The following SNTG1 variants were observed in gnomAD, a reference collection of about 807,000 sequenced individuals.
SNTG1 encodes gamma-1-syntrophin.
A neutral mutation model predicts 74.7 loss-of-function variants in SNTG1; 39 were observed. The observed-to-expected ratio is 0.52, with a 90% confidence interval of 0.40 to 0.68. SNTG1 has a LOEUF of 0.68. Ranked by LOEUF, SNTG1 falls within the 30% of genes least tolerant of loss-of-function variation. The pLI is 0.00. For missense variants in SNTG1, 685 were observed against 609.5 expected (o/e 1.12, Z -1.30); for synonymous variants, 254 against 217.1 (o/e 1.17, Z -1.49).
At chr8:50,109,231 A>T (rs745600376) in intron 1 of SNTG1, among the ~76,000 whole-genome samples, 3 of 152,354 alleles carry the variant, frequency 2.0e-5, no homozygotes, top group Admixed American at 1.3e-4. Flanking sequence ...ACCAAAAGAC[A>T]GGACAGCCTG....
chr8:50,013,226 G>C (rs1488571063), intron 1 of SNTG1, among the ~76,000 whole-genome samples: 2 of 152,056 alleles, frequency 1.3e-5, no homozygotes, highest in African/African-American at 2.4e-5. Context: ...TTCTTTGAGT[G>C]ACAGAGTGAT....
intron 2 of SNTG1, among the ~76,000 whole-genome samples, chr8:50,175,073 T>C (rs1311086680): frequency 6.6e-6 from 1 of 152,166 alleles, no homozygotes; most frequent in East Asian, 1.9e-4. Flanking sequence ...TAGTATTCCA[T>C]GGTGTATATT....
intron 1 of SNTG1, among the ~76,000 whole-genome samples, chr8:50,014,061 C>T (rs1199754121): frequency 6.6e-6 from 1 of 152,114 alleles, no homozygotes; most frequent in Non-Finnish European, 1.5e-5. Context: ...TACTAAACTA[C>T]AGTATGACAG....
At position 50,100,061 on chromosome 8, in the gene SNTG1, C is replaced by A. The variant is rs545575606; in HGVS notation, c.-102-72500C>A. Among the ~76,000 whole-genome samples, 6 of 152,028 alleles carry A rather than the reference C, an allele frequency of 3.9e-5. No individual in the cohort carries two copies. In the South Asian group the frequency reaches 1.2e-3, roughly 32 times the overall value. ...ACAATGCAAATGTGGTGTACATACA[C>A]ATTGGAATACTATTCAGCCACAGAA... On this transcript the variant is annotated intron_variant, in intron 1 of 18. Coordinates refer to ENST00000642720, the MANE Select transcript of SNTG1 (RefSeq NM_018967.5).
At chr8:50,339,764 A>G (rs2091264381) in intron 2 of SNTG1, among the ~76,000 whole-genome samples, 1 of 151,972 alleles carries the variant, frequency 6.6e-6, no homozygotes. Flanking sequence ...ACAAACGAAA[A>G]GCAAGTACAT....
chr8:50,563,132 C>T (rs562401005), intron 12 of SNTG1, among the ~76,000 whole-genome samples: 9 of 152,264 alleles, frequency 5.9e-5, no homozygotes, highest in East Asian at 5.8e-4. Flanking sequence ...CTGAGAAAGA[C>T]GGCAACTGAT....
Position 50,101,016 on chromosome 8 carries a change from A to G in SNTG1, c.-102-71545A>G, listed in dbSNP as rs111804313. On this transcript the variant is annotated intron_variant, in intron 1 of 18. Coordinates refer to ENST00000642720, the MANE Select transcript of SNTG1 (RefSeq NM_018967.5). ...TTCAATGTTTATCTCCAACTTATAA[A>G]CAAGAACATATGGTATTTGGTTTTC... Among the ~76,000 whole-genome samples, 12 of 152,142 alleles carry G rather than the reference A, an allele frequency of 7.9e-5. 1 individual carries two copies. Among genetic ancestry groups the G allele is most frequent in the African/African-American group, 2.6e-4 (11 of 41,534 alleles).
At chr8:50,444,718 C>T (rs1160166957) in intron 5 of SNTG1, among the ~76,000 whole-genome samples, 1 of 148,400 alleles carries the variant, frequency 6.7e-6, no homozygotes, top group African/African-American at 2.5e-5. Flanking sequence ...CCACTGCACT[C>T]CAGCCTGGGC....
At chr8:50,690,706 G>A (rs921713717) in intron 15 of SNTG1, among the ~76,000 whole-genome samples, 88 of 152,324 alleles carry the variant, frequency 5.8e-4, no homozygotes, top group Non-Finnish European at 8.7e-4. Context: ...GTGTGGTGCT[G>A]AAAAGAATGT....
At chr8:50,391,181 C>T (rs1177880492) in intron 2 of SNTG1, among the ~76,000 whole-genome samples, 1 of 152,130 alleles carries the variant, frequency 6.6e-6, no homozygotes, top group East Asian at 1.9e-4. Flanking sequence ...AGTTTTTGCC[C>T]ATTCAGTATG....
chr8:50,621,809 T>A (rs920162992), intron 13 of SNTG1, among the ~76,000 whole-genome samples: 5 of 152,240 alleles, frequency 3.3e-5, no homozygotes, highest in African/African-American at 1.2e-4. Flanking sequence ...AATATTTGAT[T>A]TTATTTTAGT....
chr8:50,114,683 G>A (rs2080742775), intron 1 of SNTG1, among the ~76,000 whole-genome samples: 1 of 152,096 alleles, frequency 6.6e-6, no homozygotes, highest in South Asian at 2.1e-4. Flanking sequence ...TGGCCAGCAT[G>A]GTGAAACCCC....
At chr8:50,545,083 T>G (rs1301695849) in intron 11 of SNTG1, among the ~76,000 whole-genome samples, 1 of 152,034 alleles carries the variant, frequency 6.6e-6, no homozygotes, top group Non-Finnish European at 1.5e-5. Flanking sequence ...TAAAGAAAAT[T>G]ATTTAGCTTG....
chr8:49,937,367 A>G (rs558785804), intron 1 of SNTG1, among the ~76,000 whole-genome samples: 2 of 152,208 alleles, frequency 1.3e-5, no homozygotes, highest in African/African-American at 4.8e-5. Flanking sequence ...GGGGACTTTT[A>G]GGGGTGGGGT....
chr8:50,130,028 A>G (rs1171936357), intron 1 of SNTG1, among the ~76,000 whole-genome samples: 1 of 152,146 alleles, frequency 6.6e-6, no homozygotes, highest in Non-Finnish European at 1.5e-5. Flanking sequence ...CAATATCACT[A>G]TGGAAAAAAT....
chr8:50,195,863 T>C (rs1056204951), intron 2 of SNTG1, among the ~76,000 whole-genome samples: 12 of 152,112 alleles, frequency 7.9e-5, no homozygotes, highest in African/African-American at 2.9e-4. Flanking sequence ...GTTCTTGCAG[T>C]CGGCCTGGAG....
intron 2 of SNTG1, among the ~76,000 whole-genome samples, chr8:50,387,507 T>TCC (rs968788872): frequency 6.6e-6 from 1 of 152,122 alleles, no homozygotes; most frequent in Non-Finnish European, 1.5e-5. Context: ...TTTTTTTTGG[T>TCC]CCATGTTTAA....
intron 13 of SNTG1, among the ~76,000 whole-genome samples, chr8:50,618,283 G>A (rs2094898429): frequency 6.6e-6 from 1 of 152,004 alleles, no homozygotes; most frequent in African/African-American, 2.4e-5. Context: ...TATTTTTTCT[G>A]TGTATTTCAT....
At chr8:50,710,432 A>C (rs1216418486) in intron 17 of SNTG1, among the ~76,000 whole-genome samples, 1 of 152,188 alleles carries the variant, frequency 6.6e-6, no homozygotes, top group African/African-American at 2.4e-5. Context: ...TAAATGAGTA[A>C]TAAGTTAATT....
Sources: gnomAD v4.1 joint callset for allele counts (sites outside exome capture counted in the v4.1 genomes callset) on GRCh38, gnomAD v4.1.1 for gene constraint, MANE v1.5 for transcripts, NCBI Gene and HGNC (gene_info 2026-07-23, HGNC 2026-07-21) for gene names.